Variants in KLHDC4 observed in about 807,000 individuals in gnomAD.
KLHDC4 encodes the protein kelch domain containing 4, also known as kelch domain-containing protein 4.
A neutral mutation model predicts 62.4 loss-of-function variants in KLHDC4; 90 were observed. That is an observed-to-expected ratio of 1.44 (90% CI 1.22 to 1.72). The LOEUF is 1.72. KLHDC4 is among the 40% of genes most tolerant of loss of function. KLHDC4 has a pLI of 0.00. For missense variants in KLHDC4, 1,025 were observed against 699.7 expected (o/e 1.47, Z -5.25); for synonymous variants, 386 against 284.4 (o/e 1.36, Z -3.59).
intron 2 of KLHDC4, among the ~76,000 whole-genome samples, chr16:87,761,454 C>T (rs978357885): frequency 6.6e-6 from 1 of 152,232 alleles, no homozygotes; most frequent in African/African-American, 2.4e-5. Context: ...TCCAGCTCAT[C>T]CCACACGTGT....
In KLHDC4 at chr16:87,725,611, C is replaced by G. The variant is rs548756628; in HGVS notation, c.759+1154G>C. Among the ~76,000 whole-genome samples, 10 of 152,306 alleles carry G rather than the reference C, an allele frequency of 6.6e-5. No individual in the cohort carries two copies. In the South Asian group the frequency reaches 2.1e-3, roughly 32 times the overall value. ...TACAGTGAGATACTACTTCATACCT[C>G]TCAGATTCACAGAAATGTAAAGGTT... On this transcript the variant is annotated intron_variant, in intron 7 of 11. Transcript: ENST00000270583.
At chr16:87,756,702 C>T (rs1339719641) in intron 2 of KLHDC4, among the ~76,000 whole-genome samples, 2 of 128,830 alleles carry the variant, frequency 1.6e-5, no homozygotes, top group African/African-American at 5.9e-5. Flanking sequence ...TGGACTGACA[C>T]AGTGTCTGGT....
chr16:87,699,250 C>T (rs951291699), exon 1 of KLHDC4: 1 of 152,270 alleles, frequency 6.6e-6, no homozygotes, highest in Non-Finnish European at 1.5e-5. Flanking sequence ...CAGTAGCGCA[C>T]AGAATGTGCC....
intron 5 of KLHDC4, among the ~76,000 whole-genome samples, chr16:87,746,283 A>G (rs879542970): frequency 2.0e-5 from 3 of 151,824 alleles, no homozygotes; most frequent in African/African-American, 7.3e-5. Flanking sequence ...AAGAAGGAAG[A>G]AAGAAAGAAA....
intron 9 of KLHDC4, 27 bp from the exon 10 acceptor site, chr16:87,709,694 G>GC: frequency 6.5e-7 from 1 of 1,548,330 alleles, no homozygotes; most frequent in South Asian, 1.2e-5. Flanking sequence ...GAAGCAGAGA[G>GC]CAGCAGCTTC....
chr16:87,704,866 G>GCCA (rs377326786), downstream of KLHDC4, among the ~76,000 whole-genome samples: 122 of 152,246 alleles, frequency 8.0e-4, no homozygotes, highest in South Asian at 1.2e-3. Context: ...CACGAAAAAA[G>GCCA]CCACCGCTCA....
chr16:87,764,195 T>C (rs559978515), intron 1 of KLHDC4, among the ~76,000 whole-genome samples: 143 of 152,342 alleles, frequency 9.4e-4, no homozygotes, highest in African/African-American at 3.4e-3. Context: ...TCTGTGGGTC[T>C]AGCCTAATCA....
At chr16:87,701,677 G>T (rs1300501729) in exon 1 of KLHDC4, 1 of 456,574 alleles carries the variant, frequency 2.2e-6, no homozygotes, top group South Asian at 1.5e-5. Context: ...CCTGGCATTT[G>T]GGATAAACAT....
chr16:87,728,070 C>G (rs2039686675), intron 6 of KLHDC4, among the ~76,000 whole-genome samples: 2 of 152,064 alleles, frequency 1.3e-5, no homozygotes, highest in Non-Finnish European at 2.9e-5. Context: ...GCCTATAATC[C>G]CAGCTACTCA....
intron 7 of KLHDC4, among the ~76,000 whole-genome samples, chr16:87,723,326 A>G (rs1447837786): frequency 6.6e-6 from 1 of 152,250 alleles, no homozygotes; most frequent in East Asian, 1.9e-4. Flanking sequence ...GCCAAGAGCT[A>G]CTGAACTAAG....
At chr16:87,758,970 G>A (rs1181923830) in intron 2 of KLHDC4, among the ~76,000 whole-genome samples, 1 of 152,262 alleles carries the variant, frequency 6.6e-6, no homozygotes, top group East Asian at 1.9e-4. Context: ...GAGGTGGGGA[G>A]TTCGAGACCA....
At chr16:87,711,474 G>C (rs774299609) in intron 8 of KLHDC4, 31 bp from the exon 9 acceptor site, 123 of 1,572,430 alleles carry the variant, frequency 7.8e-5, no homozygotes, top group Non-Finnish European at 1.0e-4. Flanking sequence ...AGTGGGATAA[G>C]AACACAAGGA....
Position 87,708,082 on chromosome 16 carries a change from C to A in KLHDC4, c.*2-7G>T. The A allele has an allele frequency of 1.7e-6, 1 of 593,186 alleles. No individual in the cohort carries two copies. 36.7% of individuals were successfully genotyped at this position (593,186 alleles called of 1,614,324 possible). A position where few individuals can be genotyped will look rare whatever the true frequency, so the allele number is the denominator to read the frequency against. The stretch of plus-strand genomic sequence containing the variant: ...GCCCCTGGCAGGGGCTCTTCTGATA[C>A]GCAAGGAGGAAGGAATGAGAGAGAA... On this transcript the variant is annotated splice_region_variant and splice_polypyrimidine_tract_variant and intron_variant, in intron 11 of 11. Transcript: ENST00000270583.
intron 7 of KLHDC4, among the ~76,000 whole-genome samples, chr16:87,716,264 CTT>C (rs1438457372): frequency 3.5e-5 from 5 of 142,754 alleles, no homozygotes; most frequent in East Asian, 2.0e-4. Context: ...CTGACATAGA[CTT>C]TGGGTACACG....
chr16:87,740,562 C>T (rs1324800646), intron 5 of KLHDC4: 1 of 152,170 alleles, frequency 6.6e-6, no homozygotes, highest in African/African-American at 2.4e-5. Context: ...CAGCTGTGAC[C>T]CATCTCCACC....
At chr16:87,706,225 GGGGGGGT>G, downstream of KLHDC4, among the ~76,000 whole-genome samples, 1 of 112,450 alleles carries the variant, frequency 8.9e-6, no homozygotes, top group African/African-American at 3.6e-5. Flanking sequence ...CAGCCCTCGG[GGGGGGGT>G]CAGCGCAATG....
intron 2 of KLHDC4, among the ~76,000 whole-genome samples, chr16:87,760,612 A>ACCC (rs1567838652): frequency 1.9e-4 from 28 of 146,890 alleles, no homozygotes; most frequent in African/African-American, 7.0e-4. Flanking sequence ...GTCCCAAAAA[A>ACCC]AAAAAAAAAA....
At chr16:87,722,135 C>T (rs1312536371) in intron 7 of KLHDC4, among the ~76,000 whole-genome samples, 2 of 152,212 alleles carry the variant, frequency 1.3e-5, no homozygotes, top group Non-Finnish European at 2.9e-5. Context: ...GCTGCTGGGT[C>T]TGCTGTCCCA....
intron 4 of KLHDC4, among the ~76,000 whole-genome samples, chr16:87,751,338 G>C (rs1269091707): frequency 6.6e-6 from 1 of 152,094 alleles, no homozygotes; most frequent in Admixed American, 6.6e-5. Flanking sequence ...GCCAGACGTG[G>C]TGGCATGCGC....
Sources: gnomAD v4.1 joint callset for allele counts (sites outside exome capture counted in the v4.1 genomes callset) on GRCh38, gnomAD v4.1.1 for gene constraint, MANE v1.5 for transcripts, NCBI Gene and HGNC (gene_info 2026-07-23, HGNC 2026-07-21) for gene names.